Variants in USP54 observed in about 807,000 individuals in gnomAD.
The protein encoded by USP54 is ubiquitin specific peptidase 54.
In USP54, 87 loss-of-function variants were observed where a neutral mutation model predicts 170.5. That is an observed-to-expected ratio of 0.51 (90% confidence interval 0.43 to 0.61). USP54 has a LOEUF of 0.61. USP54 is among the 20% of genes least tolerant of loss of function. The pLI, the probability that USP54 is intolerant of heterozygous loss-of-function variation, is 0.00. For missense variants in USP54, 1,786 were observed against 2,047.8 expected, an observed-to-expected ratio of 0.87 and a Z score of 2.47; for synonymous variants, 655 against 742.8, an observed-to-expected ratio of 0.88 and a Z score of 1.92.
chr10:73,534,079 A>G (rs2064652015), intron 12 of USP54, among the ~76,000 whole-genome samples: 1 of 152,238 alleles, frequency 6.6e-6, no homozygotes, highest in African/African-American at 2.4e-5. Context: ...TATTGACAGG[A>G]GTATGTGCAA....
intron 17 of USP54, among the ~76,000 whole-genome samples, 191 bp from the exon 18 acceptor site, chr10:73,521,218 C>T (rs1159722258): frequency 6.6e-6 from 1 of 152,154 alleles, no homozygotes; most frequent in African/African-American, 2.4e-5. Context: ...AAGATGTTAC[C>T]AAGGCCATGA....
rs1437578882 is a variant in USP54, at chr10:73,539,560, G to C, written c.859C>G (p.Gln287Glu). 1.9e-6 allele frequency: 3 copies of C among 1,608,538 alleles called. No homozygotes were observed. Among genetic ancestry groups the C allele is most frequent in the Non-Finnish European group, 2.6e-6 (3 of 1,176,404 alleles). The change falls in exon 10 of 24, where the codon CAA (glutamine) becomes GAA (glutamate). Residue 287 changes from glutamine to glutamate, a missense_variant. Around this residue, in one of 3 missense-constraint regions of USP54, gnomAD observed 361 missense variants for 455.0 expected, o/e 0.79. Coordinates refer to ENST00000687698, the MANE Select transcript of USP54 (RefSeq NM_001391956.1). ...ATTCCAACTAAGTACAGTTCAGATT[G>C]CTTGGCCCGGTCATCCGTCACTCTG... Reference protein sequence around the residue: ...FFRVTDDRAKQSELYLVGMIC... With the variant: ...FFRVTDDRAKESELYLVGMIC...
intron 3 of USP54, among the ~76,000 whole-genome samples, chr10:73,573,085 A>G (rs2075493820): frequency 6.6e-6 from 1 of 152,000 alleles, no homozygotes; most frequent in Admixed American, 6.6e-5. Flanking sequence ...GGAGTTCAAG[A>G]CCAGCCTAAG....
chr10:73,517,389 G>A lies in USP54; in HGVS notation c.3037C>T (p.Pro1013Ser). Reference sequence around the variant, plus strand: ...GCAATGCCTCTTCCTTCTTGTGGAGGGAGCTTGCTGCAACTGCTGTTGTCA... The same window carrying A: ...GCAATGCCTCTTCCTTCTTGTGGAGAGAGCTTGCTGCAACTGCTGTTGTCA... ...RCDNSSCSKL[P>S]PQEGRGIAQE... The change falls in exon 20 of 24, where the codon CCT (proline) becomes TCT (serine). Residue 1013 changes from proline to serine, a missense_variant. Around this residue, in one of 3 missense-constraint regions of USP54, gnomAD observed 1,418 missense variants for 1,569.0 expected, o/e 0.90. Coordinates refer to ENST00000687698, the MANE Select transcript of USP54 (RefSeq NM_001391956.1). The A allele has an allele frequency of 6.2e-7, 1 of 1,613,808 alleles. No individual in the cohort carries two copies. Among genetic ancestry groups the A allele is most frequent in the East Asian group, 2.2e-5 (1 of 44,884 alleles).
At chr10:73,510,805 T>A (rs558632967) in intron 20 of USP54, among the ~76,000 whole-genome samples, 1 of 152,288 alleles carries the variant, frequency 6.6e-6, no homozygotes, top group East Asian at 1.9e-4. Flanking sequence ...AAAGTTAATT[T>A]TTTATTTTTT....
At chr10:73,596,771 C>G (rs1179091781) in intron 1 of USP54, among the ~76,000 whole-genome samples, 2 of 146,472 alleles carry the variant, frequency 1.4e-5, no homozygotes, top group African/African-American at 5.0e-5. Context: ...TGTTTATGTT[C>G]AAGTAACTTT....
At position 73,539,444 on chromosome 10, in the gene USP54, C is replaced by G; in HGVS notation, c.975G>C (p.Glu325Asp). The G allele has an allele frequency of 1.9e-6, 3 of 1,606,814 alleles. No homozygotes were observed. Among genetic ancestry groups the G allele is most frequent in the Non-Finnish European group, 2.6e-6 (3 of 1,175,710 alleles). Residue 325 changes from glutamate to aspartate, a missense_variant and splice_region_variant, in exon 10 of 24, where the codon GAG becomes GAC. Physicochemically the swap from Glu to Asp is conservative, Grantham distance 45. This residue lies in a region of USP54 where 361 missense variants were observed against 455.0 expected (regional missense o/e 0.79). Transcript: ENST00000687698. Reference protein sequence around the residue: ...WMYFDDAHVKEIGPKWKDVVT... With the variant: ...WMYFDDAHVKDIGPKWKDVVT... ...TCAAAAAGGACTTGACTACTCCTAC[C>G]TCCTTGACATGAGCATCATCAAAAT...
chr10:73,613,420 G>A (rs1230899630), intron 1 of USP54, among the ~76,000 whole-genome samples: 5 of 150,996 alleles, frequency 3.3e-5, no homozygotes, highest in Non-Finnish European at 4.4e-5. Flanking sequence ...TTACAGGCGT[G>A]AGCCACCGCA....
chr10:73,521,225 A>C (rs573506307), intron 17 of USP54, among the ~76,000 whole-genome samples, 198 bp from the exon 18 acceptor site: 1 of 152,374 alleles, frequency 6.6e-6, no homozygotes, highest in East Asian at 1.9e-4. Context: ...TACCAAGGCC[A>C]TGAAAGAGAG....
chr10:73,577,697 T>C (rs186879106), intron 1 of USP54, among the ~76,000 whole-genome samples: 1 of 152,374 alleles, frequency 6.6e-6, no homozygotes, highest in African/African-American at 2.4e-5. Context: ...GATCTAGAAA[T>C]GTTTGACTAT....
At chr10:73,570,806 A>G (rs2075011013) in intron 4 of USP54, among the ~76,000 whole-genome samples, 1 of 152,152 alleles carries the variant, frequency 6.6e-6, no homozygotes, top group South Asian at 2.1e-4. Context: ...TCTTCTTTCA[A>G]AATGAAAATT....
chr10:73,596,549 ACT>A (rs1284637480), intron 1 of USP54, among the ~76,000 whole-genome samples: 2 of 148,518 alleles, frequency 1.3e-5, no homozygotes, highest in Admixed American at 6.7e-5. Context: ...ACAGAGTGAG[ACT>A]CTGTCTCAAA....
At chr10:73,550,184 A>G (rs12784448) in intron 4 of USP54, among the ~76,000 whole-genome samples, 1 of 152,164 alleles carries the variant, frequency 6.6e-6, no homozygotes, top group Admixed American at 6.5e-5. Context: ...TCAGCCTCCC[A>G]AAGTGCTGGG....
chr10:73,511,162 A>G (rs1213639493), intron 20 of USP54, among the ~76,000 whole-genome samples: 1 of 146,990 alleles, frequency 6.8e-6, no homozygotes, highest in East Asian at 2.0e-4. Context: ...GCAGCGGCAC[A>G]ATCTCAGCTC....
chr10:73,559,144 G>C (rs951087078), intron 4 of USP54, among the ~76,000 whole-genome samples: 1 of 152,158 alleles, frequency 6.6e-6, no homozygotes, highest in African/African-American at 2.4e-5. Context: ...TTTACAACCA[G>C]GCATAGTTGC....
At chr10:73,594,572 T>C (rs1350164329), upstream of USP54, among the ~76,000 whole-genome samples, 3 of 152,022 alleles carry the variant, frequency 2.0e-5, no homozygotes, top group Admixed American at 2.0e-4. Flanking sequence ...ACCCAGCTAA[T>C]TTTTTAAAGA....
upstream of USP54, among the ~76,000 whole-genome samples, chr10:73,595,024 C>G (rs2078614587): frequency 6.6e-6 from 1 of 151,536 alleles, no homozygotes; most frequent in Non-Finnish European, 1.5e-5. Flanking sequence ...CTCCCGGGTT[C>G]AAGTGATTCT....
chr10:73,533,453 C>T (rs2064480925), intron 12 of USP54, among the ~76,000 whole-genome samples: 1 of 151,926 alleles, frequency 6.6e-6, no homozygotes, highest in Non-Finnish European at 1.5e-5. Context: ...TAAAACTAGA[C>T]TGGCCATGAG....
intron 1 of USP54, among the ~76,000 whole-genome samples, chr10:73,596,859 C>G (rs995525149): frequency 6.6e-6 from 1 of 151,902 alleles, no homozygotes; most frequent in Non-Finnish European, 1.5e-5. Flanking sequence ...CCATAAGGTG[C>G]TTCCTTTAAG....
Sources: allele counts gnomAD v4.1 joint callset (sites outside exome capture counted in the v4.1 genomes callset), GRCh38; gene constraint gnomAD v4.1.1; regional missense constraint gnomAD v4.1.1; transcripts MANE v1.5; gene names NCBI Gene and HGNC (gene_info 2026-07-23, HGNC 2026-07-21).